FAM184A: variants seen among roughly 807,000 people sequenced by gnomAD.
The protein encoded by FAM184A is family with sequence similarity 184 member A, also known as protein FAM184A.
A neutral mutation model predicts 143.8 loss-of-function variants in FAM184A; 99 were observed. That is an observed-to-expected ratio of 0.69 (90% CI 0.58 to 0.81). The LOEUF is 0.81. Ranked by LOEUF, FAM184A falls within the 40% of genes least tolerant of loss-of-function variation. The probability of loss-of-function intolerance (pLI) is 0.00; values close to 1 mark genes in which losing one functional copy is unlikely to be tolerated. For synonymous variants in FAM184A, 427 were observed against 446.4 expected (o/e 0.96, Z 0.55); for missense variants, 1,217 against 1,310.5 (o/e 0.93, Z 1.10).
At chr6:119,119,305 C>T (rs1207322567) in intron 1 of FAM184A, among the ~76,000 whole-genome samples, 1 of 152,204 alleles carries the variant, frequency 6.6e-6, no homozygotes, top group East Asian at 1.9e-4. Context: ...ATCTCTGTGA[C>T]CCACACCCTA....
At position 119,106,164 on chromosome 6, in the gene FAM184A, G is replaced by A. The variant is rs546476172; in HGVS notation, c.-202+42914C>T. On this transcript the variant is annotated intron_variant, in intron 1 of 16. Transcript: ENST00000352896. ...TCCCAGCATTTTGGGAGGCCGAGGCGGGCGGATCACAAGGTCAGGAGATCG... is the reference window on the plus strand; with the variant it reads ...TCCCAGCATTTTGGGAGGCCGAGGCAGGCGGATCACAAGGTCAGGAGATCG... Among the ~76,000 whole-genome samples the A allele has an allele frequency of 9.2e-5, 14 of 152,258 alleles. No homozygotes were observed. The East Asian group carries it at 1.4e-3, about 15-fold the overall frequency.
rs11454485 is a variant in FAM184A at position 119,136,284 on chromosome 6, C to CAAAA, written c.-202+12790_-202+12793dup. Reference sequence around the variant, plus strand: ...TGGGCGACAGAGCGAGACTCCGTCTCAAAAAAAAAAAAAAAAAAAAAAAGA... The same window carrying CAAAA: ...TGGGCGACAGAGCGAGACTCCGTCTCAAAAAAAAAAAAAAAAAAAAAAAAAAAGA... On this transcript the variant is annotated intron_variant, in intron 1 of 16. Coordinates refer to the FAM184A transcript ENST00000352896. Among the ~76,000 whole-genome samples, 302 of 65,824 alleles carry CAAAA rather than the reference C, an allele frequency of 4.6e-3. 14 individuals carry two copies. The highest frequency in any genetic ancestry group is 0.017 in the African/African-American group (272 of 16,002). 43.2% of individuals were successfully genotyped at this position (65,824 alleles called of 152,430 possible). A position where few individuals can be genotyped will look rare whatever the true frequency, so the allele number is the denominator to read the frequency against.
intron 1 of FAM184A, among the ~76,000 whole-genome samples, chr6:119,113,557 G>C (rs1363596419): frequency 6.6e-6 from 1 of 151,836 alleles, no homozygotes; most frequent in Non-Finnish European, 1.5e-5. Flanking sequence ...GCTTTCCAAG[G>C]TTTCAGTTAC....
upstream of FAM184A, among the ~76,000 whole-genome samples, chr6:119,079,902 T>TA (rs1329443654): frequency 2.6e-5 from 4 of 152,190 alleles, no homozygotes; most frequent in African/African-American, 4.8e-5. Flanking sequence ...CAGTCCCCCT[T>TA]AAATAGACCT....
intron 1 of FAM184A, among the ~76,000 whole-genome samples, chr6:119,101,765 T>C (rs576144538): frequency 6.6e-6 from 1 of 152,188 alleles, no homozygotes; most frequent in East Asian, 1.9e-4. Context: ...AATTAAAGAA[T>C]AAAGGATAGG....
Position 119,078,290 on chromosome 6 carries a change from G to A in FAM184A, c.10C>T (p.Pro4Ser). ...TAGTGCTGCTGCCAGCTCATGCCCG[G>A]GGTCGCCATCTTCCCAACAGACCCC... MAT[P>S]GMSWQQHYYG... Residue 4 changes from proline to serine, a missense_variant, in exon 1 of 18, where the codon CCG becomes TCG. Pro to Ser is a moderately conservative substitution (Grantham distance 74). Transcript: ENST00000338891. This position sits in a 1 kb window ranked among gnomAD's most constrained non-coding sequence, Gnocchi z 5.5. 1 of 1,497,106 alleles carries A rather than the reference G, an allele frequency of 6.7e-7. No individual in the cohort carries two copies. Among genetic ancestry groups the A allele is most frequent in the Non-Finnish European group, 8.9e-7 (1 of 1,127,074 alleles). The allele number at this position is 1,497,106 out of a possible 1,614,324, so 92.7% of individuals were successfully genotyped here.
intron 1 of FAM184A, among the ~76,000 whole-genome samples, chr6:119,092,268 G>C (rs1202191961): frequency 1.3e-5 from 2 of 152,076 alleles, no homozygotes; most frequent in African/African-American, 4.8e-5. Flanking sequence ...CTTCCAAGTT[G>C]CTGGGACTAC....
chr6:119,077,563 G>A (rs1362171359), intron 1 of FAM184A, among the ~76,000 whole-genome samples: 2 of 152,190 alleles, frequency 1.3e-5, no homozygotes, highest in Non-Finnish European at 2.9e-5. Flanking sequence ...GACAAACATT[G>A]AACTAGATGC....
At chr6:119,063,728 T>C (rs1188100010) in intron 1 of FAM184A, among the ~76,000 whole-genome samples, 1 of 152,126 alleles carries the variant, frequency 6.6e-6, no homozygotes, top group Non-Finnish European at 1.5e-5. Context: ...TTACTGTTAT[T>C]AATTAGACTC....
intron 7 of FAM184A, 176 bp downstream of exon 7, chr6:119,006,271 G>A (rs1029743526): frequency 1.3e-6 from 1 of 752,916 alleles, no homozygotes; most frequent in Non-Finnish European, 2.3e-6. Context: ...CCAGAGCTAT[G>A]AGAGAATAAA....
chr6:119,036,944 A>G (rs1437394886), intron 1 of FAM184A, among the ~76,000 whole-genome samples: 1 of 152,214 alleles, frequency 6.6e-6, no homozygotes, highest in Non-Finnish European at 1.5e-5. Context: ...GGGCAAAGTC[A>G]GTTGTCAAGA....
intron 9 of FAM184A, among the ~76,000 whole-genome samples, chr6:118,991,392 C>T (rs1321725113): frequency 1.3e-5 from 2 of 151,932 alleles, no homozygotes; most frequent in African/African-American, 4.8e-5. Context: ...AACTCCTGAC[C>T]TCAAATGAGA....
intron 1 of FAM184A, among the ~76,000 whole-genome samples, chr6:119,086,895 C>T (rs1380897781): frequency 1.3e-5 from 2 of 152,002 alleles, no homozygotes; most frequent in Non-Finnish European, 2.9e-5. Flanking sequence ...TAAAATAAGG[C>T]AGTGAGAGTA....
chr6:118,960,095 C>T lies in FAM184A; in HGVS notation c.*8G>A, dbSNP rs1783270788. 1 of 1,611,408 alleles carries T rather than the reference C, an allele frequency of 6.2e-7. No individual in the cohort carries two copies. The highest frequency in any genetic ancestry group is 2.2e-5 in the East Asian group (1 of 44,860). Reference sequence around the variant, plus strand: ...CAGTCTATACAGAGCTGTGCCAACACAATTCTTTCAGAATGTGAAGTACCG... The same window carrying T: ...CAGTCTATACAGAGCTGTGCCAACATAATTCTTTCAGAATGTGAAGTACCG... On this transcript the variant is annotated 3_prime_UTR_variant, in exon 18 of 18. Transcript: ENST00000338891.
chr6:119,112,559 C>A (rs966926503), intron 1 of FAM184A, among the ~76,000 whole-genome samples: 2 of 152,196 alleles, frequency 1.3e-5, no homozygotes, highest in African/African-American at 4.8e-5. Context: ...TAGAGTAGAG[C>A]AGTCTCCTTT....
chr6:119,106,325 G>A (rs1485213555), intron 1 of FAM184A, among the ~76,000 whole-genome samples: 1 of 152,156 alleles, frequency 6.6e-6, no homozygotes, highest in Non-Finnish European at 1.5e-5. Flanking sequence ...CCAGGAAGGC[G>A]GAGCTTGCAG....
At chr6:119,020,544 T>C (rs139302315) in intron 3 of FAM184A, among the ~76,000 whole-genome samples, 143 of 152,322 alleles carry the variant, frequency 9.4e-4, no homozygotes, top group Non-Finnish European at 1.6e-3. Context: ...GAGGATGCAC[T>C]GACTGACACT....
intron 1 of FAM184A, among the ~76,000 whole-genome samples, chr6:119,119,435 TTC>T (rs1582632549): frequency 6.6e-6 from 1 of 152,180 alleles, no homozygotes; most frequent in African/African-American, 2.4e-5. Flanking sequence ...GCTTTAAAAT[TTC>T]TCTCTTTTGT....
intron 1 of FAM184A, among the ~76,000 whole-genome samples, chr6:119,064,697 C>T (rs1352908465): frequency 6.6e-6 from 1 of 152,114 alleles, no homozygotes. Flanking sequence ...AAGAGTGAGA[C>T]TCCATCTCTT....
Sources: gnomAD v4.1 joint callset for allele counts (sites outside exome capture counted in the v4.1 genomes callset) on GRCh38, gnomAD v4.1.1 for gene constraint, Gnocchi (gnomAD v3.1) non-coding constraint, MANE v1.5 for transcripts, NCBI Gene and HGNC (gene_info 2026-07-23, HGNC 2026-07-21) for gene names.